The following CFAP144 variants were observed in gnomAD, a reference collection of about 807,000 sequenced individuals.
CFAP144 encodes the protein cilia and flagella associated protein 144, also known as cilia- and flagella-associated protein 144.
chr1:43,152,896 G>A, the CFAP144 span: 3 of 1,613,448 alleles, frequency 1.9e-6, no homozygotes, highest in South Asian at 1.1e-5. Flanking sequence ...GACACAGACT[G>A]AAAACCAGGA....
the CFAP144 span, chr1:43,152,721 G>A: frequency 1.6e-6 from 2 of 1,261,122 alleles, no homozygotes; most frequent in Non-Finnish European, 2.1e-6. Context: ...AACCTCCAAG[G>A]CACAGATGCT....
the CFAP144 span, chr1:43,148,158 G>T: frequency 1.3e-6 from 2 of 1,501,254 alleles, no homozygotes; most frequent in Non-Finnish European, 1.8e-6. Context: ...TCCGGGTTGC[G>T]GGGTGGGAAC....
At chr1:43,145,425 A>C in the CFAP144 span, 1 of 717,644 alleles carries the variant, frequency 1.4e-6, no homozygotes. Flanking sequence ...TTCCTCCCAG[A>C]CTCCATTTTC....
chr1:43,150,753 T>C, the CFAP144 span: 1 of 1,602,274 alleles, frequency 6.2e-7, no homozygotes, highest in South Asian at 1.1e-5. Context: ...TGTTTTCTTT[T>C]TTTCTAGTTC....
At chr1:43,148,135 G>T in the CFAP144 span, 1 of 1,575,236 alleles carries the variant, frequency 6.3e-7, no homozygotes, top group Non-Finnish European at 8.7e-7. Flanking sequence ...GGGCGCCGGG[G>T]AAGGAGGAGC....
At chr1:43,148,434 C>T in the CFAP144 span, among the ~76,000 whole-genome samples, 10 of 151,998 alleles carry the variant, frequency 6.6e-5, no homozygotes. Flanking sequence ...GGTTTTTCTT[C>T]AGGCTTCTGA....
the CFAP144 span, among the ~76,000 whole-genome samples, chr1:43,151,800 C>T: frequency 0.012 from 1,796 of 152,104 alleles, 28 homozygotes; most frequent in African/African-American, 0.042. Flanking sequence ...CAGAGCATTA[C>T]GAAGGAGGCA....
At chr1:43,150,551 T>A in the CFAP144 span, among the ~76,000 whole-genome samples, 1 of 152,260 alleles carries the variant, frequency 6.6e-6, no homozygotes, top group Non-Finnish European at 1.5e-5. Flanking sequence ...ATGTGGCTGA[T>A]GACCACCATT....
At chr1:43,148,395 G>T in the CFAP144 span, among the ~76,000 whole-genome samples, 9 of 151,962 alleles carry the variant, frequency 5.9e-5, no homozygotes, top group Non-Finnish European at 1.0e-4. Flanking sequence ...GTTTTTGTTT[G>T]TATTTTGGGT....
At chr1:43,153,092 T>C in the CFAP144 span, 1 of 883,336 alleles carries the variant, frequency 1.1e-6, no homozygotes, top group South Asian at 2.0e-5. Flanking sequence ...AGTTTAATTG[T>C]TGTAAAATGG....
the CFAP144 span, among the ~76,000 whole-genome samples, chr1:43,150,485 A>G: frequency 4.6e-5 from 7 of 152,252 alleles, no homozygotes; most frequent in Non-Finnish European, 2.9e-5. Flanking sequence ...TAACGTGGCT[A>G]AGGAACTGAA....
At chr1:43,148,034 T>C in the CFAP144 span, 1 of 1,613,752 alleles carries the variant, frequency 6.2e-7, no homozygotes, top group Non-Finnish European at 8.5e-7. Context: ...CTCAAGGAGC[T>C]ACGAACCCAG....
chr1:43,156,117 G>C, the CFAP144 span: 4 of 1,045,580 alleles, frequency 3.8e-6, no homozygotes, highest in Non-Finnish European at 6.0e-6. Context: ...GGAGGGTGGA[G>C]CCTGATATAA....
the CFAP144 span, chr1:43,147,819 G>C: frequency 6.6e-6 from 10 of 1,511,932 alleles, no homozygotes; most frequent in African/African-American, 1.4e-5. Flanking sequence ...AGTGAGACCC[G>C]CCCCGACCGG....
the CFAP144 span, among the ~76,000 whole-genome samples, chr1:43,146,473 T>A: frequency 2.3e-4 from 35 of 152,134 alleles, no homozygotes; most frequent in East Asian, 5.2e-3. Context: ...ATGTCTTAAA[T>A]GAAAATTAAG....
the CFAP144 span, among the ~76,000 whole-genome samples, chr1:43,155,902 T>G: frequency 6.6e-6 from 1 of 152,224 alleles, no homozygotes; most frequent in Non-Finnish European, 1.5e-5. Context: ...ATGTGACTCT[T>G]TCAACAAATT....
chr1:43,156,113 T>G, the CFAP144 span: 18 of 986,928 alleles, frequency 1.8e-5, no homozygotes, highest in African/African-American at 4.8e-5. Context: ...GCTGGGAGGG[T>G]GGAGCCTGAT....
the CFAP144 span, among the ~76,000 whole-genome samples, chr1:43,146,948 C>T: frequency 2.6e-5 from 4 of 152,172 alleles, no homozygotes; most frequent in African/African-American, 4.8e-5. Context: ...CGGGTTCAAG[C>T]GATTCTCCTG....
chr1:43,145,076 C>T, the CFAP144 span: 3 of 596,746 alleles, frequency 5.0e-6, no homozygotes, highest in Non-Finnish European at 9.0e-6. Flanking sequence ...TGTCTCCATT[C>T]CCGTCTGGGC....
Sources: gnomAD v4.1 joint callset for allele counts (sites outside exome capture counted in the v4.1 genomes callset) on GRCh38, gnomAD v4.1.1 for gene constraint, MANE v1.5 for transcripts, NCBI Gene and HGNC (gene_info 2026-07-23, HGNC 2026-07-21) for gene names.